Variants in ACAP2 observed in about 807,000 individuals in gnomAD.
ACAP2 encodes arf-GAP with coiled-coil, ANK repeat and PH domain-containing protein 2.
ACAP2 carries 39 observed loss-of-function variants against 115.8 expected under a neutral mutation model. That is an observed-to-expected ratio of 0.34 (90% CI 0.26 to 0.44). The LOEUF is 0.44. Ranked by LOEUF, ACAP2 falls within the 20% of genes least tolerant of loss-of-function variation. The probability of loss-of-function intolerance (pLI) is 1.00; values close to 1 mark genes in which losing one functional copy is unlikely to be tolerated. For synonymous variants in ACAP2, 289 were observed against 315.8 expected, an observed-to-expected ratio of 0.92 and a Z score of 0.90; for missense variants, 662 against 927.6, an observed-to-expected ratio of 0.71 and a Z score of 3.72.
At chr3:195,349,826 GA>G (rs1407349914) in intron 4 of ACAP2, 21 of 353,978 alleles carry the variant, frequency 5.9e-5, no homozygotes, top group Non-Finnish European at 1.0e-4. Context: ...AAGGAGATGG[GA>G]ATTCTAGATG....
chr3:195,297,690 G>A (rs1442426781), intron 15 of ACAP2, among the ~76,000 whole-genome samples: 1 of 152,220 alleles, frequency 6.6e-6, no homozygotes, highest in Non-Finnish European at 1.5e-5. Context: ...TAAACATTAA[G>A]TATCTATTCT....
chr3:195,392,053 G>C (rs1246164586), intron 2 of ACAP2, 37 bp downstream of exon 2: 1 of 1,542,902 alleles, frequency 6.5e-7, no homozygotes, highest in African/African-American at 1.4e-5. Flanking sequence ...CAGCAAACGA[G>C]AATCAATGTT....
intron 5 of ACAP2, 67 bp from the exon 6 acceptor site, chr3:195,342,721 C>T (rs1178273241): frequency 1.1e-5 from 14 of 1,328,258 alleles, no homozygotes; most frequent in Non-Finnish European, 1.4e-5. Context: ...GCAGGCTGGG[C>T]GCGGTGGCTC....
At chr3:195,425,647 G>C (rs966213557) in intron 1 of ACAP2, among the ~76,000 whole-genome samples, 4 of 152,184 alleles carry the variant, frequency 2.6e-5, no homozygotes, top group African/African-American at 9.6e-5. Context: ...GTGTCTACTA[G>C]GTGTCTCAAA....
At chr3:195,296,370 A>C (rs1181139928) in intron 16 of ACAP2, among the ~76,000 whole-genome samples, 1 of 152,244 alleles carries the variant, frequency 6.6e-6, no homozygotes, top group African/African-American at 2.4e-5. Context: ...AAGAAATAAA[A>C]TAAACTTGTA....
chr3:195,294,532 C>T (rs998680901), intron 18 of ACAP2, among the ~76,000 whole-genome samples, 187 bp downstream of exon 18: 2 of 143,190 alleles, frequency 1.4e-5, no homozygotes, highest in African/African-American at 2.6e-5. Flanking sequence ...GAGCCAAGAT[C>T]GTACCGCTGC....
chr3:195,395,852 GA>G (rs1319181574), intron 1 of ACAP2, among the ~76,000 whole-genome samples: 2 of 152,158 alleles, frequency 1.3e-5, no homozygotes, highest in Non-Finnish European at 2.9e-5. Context: ...CCAGAATTCA[GA>G]AAAACAGATA....
At chr3:195,290,848 A>T (rs146437045) in intron 20 of ACAP2, among the ~76,000 whole-genome samples, 1,527 of 43,448 alleles carry the variant, frequency 0.035, 10 homozygotes, top group Non-Finnish European at 0.055. Context: ...AAATAAATAA[A>T]TAATAAATAA....
intron 1 of ACAP2, among the ~76,000 whole-genome samples, chr3:195,438,029 CTT>C (rs1343731977): frequency 7.8e-5 from 8 of 103,216 alleles, no homozygotes; most frequent in Admixed American, 1.0e-4. Flanking sequence ...CAAGAATTTT[CTT>C]TTTTTTTTTT....
intron 8 of ACAP2, 145 bp downstream of exon 8, chr3:195,332,883 C>T: frequency 1.9e-6 from 1 of 531,798 alleles, no homozygotes; most frequent in Non-Finnish European, 3.2e-6. Context: ...TCAATTAAAC[C>T]TCTTTCCTTT....
chr3:195,411,905 A>C (rs1253064450), intron 1 of ACAP2, among the ~76,000 whole-genome samples: 1 of 151,902 alleles, frequency 6.6e-6, no homozygotes, highest in East Asian at 1.9e-4. Context: ...AAAAAAAAAA[A>C]AACTCACAAT....
At chr3:195,374,571 A>G (rs1448209015) in intron 4 of ACAP2, among the ~76,000 whole-genome samples, 3 of 152,218 alleles carry the variant, frequency 2.0e-5, no homozygotes, top group Non-Finnish European at 2.9e-5. Context: ...GAAAAGGGCA[A>G]CAAATATTCC....
At chr3:195,297,876 C>T in intron 15 of ACAP2, among the ~76,000 whole-genome samples, 1 of 152,146 alleles carries the variant, frequency 6.6e-6, no homozygotes, top group East Asian at 1.9e-4. Flanking sequence ...CTGTTACTCA[C>T]CTCTTTAATT....
chr3:195,407,371 G>GA (rs1180058911), intron 1 of ACAP2, among the ~76,000 whole-genome samples: 3 of 151,688 alleles, frequency 2.0e-5, no homozygotes, highest in Non-Finnish European at 2.9e-5. Context: ...TTAAAAAAAG[G>GA]AAAAAATACA....
intron 1 of ACAP2, among the ~76,000 whole-genome samples, chr3:195,417,626 G>A (rs918444490): frequency 6.6e-6 from 1 of 152,122 alleles, no homozygotes; most frequent in African/African-American, 2.4e-5. Flanking sequence ...CAAGTACCAT[G>A]TTCTTTAAGA....
chr3:195,387,945 A>C lies in ACAP2; in HGVS notation c.111+4145T>G, dbSNP rs80257137. Among the ~76,000 whole-genome samples the C allele has an allele frequency of 2.0e-5, 3 of 152,216 alleles. No individual in the cohort carries two copies. The East Asian group carries it at 5.8e-4, about 29-fold the overall frequency. On this transcript the variant is annotated intron_variant, in intron 2 of 22. Coordinates refer to ENST00000326793, the MANE Select transcript of ACAP2 (RefSeq NM_012287.6). Reference sequence around the variant, plus strand: ...TCTTATTTTCCCCATTTTGGAGAGAAGAAACTGAGGCACAGAAAGGTTGAA... The same window carrying C: ...TCTTATTTTCCCCATTTTGGAGAGACGAAACTGAGGCACAGAAAGGTTGAA...
Position 195,424,283 on chromosome 3 carries a change from ATTTTTTTTTTTTTTTT to A in ACAP2, c.53+18496_53+18511del, listed in dbSNP as rs1162275706. On this transcript the variant is annotated intron_variant, in intron 1 of 22. Coordinates refer to ENST00000326793, the MANE Select transcript of ACAP2 (RefSeq NM_012287.6). ...TGTGTATATATATATATATATATAT[ATTTTTTTTTTTTTTTT>A]TTTTTTTTTTTTTGAAACAGAGTCT... is the stretch of plus-strand genomic sequence containing the variant. Among the ~76,000 whole-genome samples the A allele has an allele frequency of 1.3e-4, 7 of 54,126 alleles. No individual in the cohort carries two copies. In the East Asian group the frequency reaches 1.6e-3, roughly 12 times the overall value. 35.5% of individuals were successfully genotyped at this position (54,126 alleles called of 152,430 possible).
At chr3:195,419,325 A>T (rs1713988684) in intron 1 of ACAP2, 1 of 152,196 alleles carries the variant, frequency 6.6e-6, no homozygotes, top group Non-Finnish European at 1.5e-5. Flanking sequence ...TTCAACTGGA[A>T]TTGCAGGACA....
At chr3:195,380,191 T>C (rs892540673) in intron 4 of ACAP2, among the ~76,000 whole-genome samples, 6 of 152,160 alleles carry the variant, frequency 3.9e-5, no homozygotes, top group African/African-American at 1.2e-4. Context: ...CTTGTACATG[T>C]CAATATTAGC....
Sources: allele counts gnomAD v4.1 joint callset (sites outside exome capture counted in the v4.1 genomes callset), GRCh38; gene constraint gnomAD v4.1.1; transcripts MANE v1.5; gene names NCBI Gene and HGNC (gene_info 2026-07-23, HGNC 2026-07-21).